The following CHD9 variants were observed in gnomAD, a reference collection of about 807,000 sequenced individuals.
The protein encoded by CHD9 is ATP-dependent chromatin remodeler CHD9.
CHD9 carries 77 observed loss-of-function variants against 316.1 expected under a neutral mutation model. The ratio of observed to expected loss-of-function variants is 0.24; its 90% CI spans 0.20 to 0.29. The LOEUF (loss-of-function observed/expected upper bound fraction) is 0.29. Among genes scored for constraint, CHD9 ranks in the 10% least tolerant of loss-of-function variants. CHD9 has a pLI of 1.00. For missense variants in CHD9, 2,763 were observed against 3,438.1 expected (o/e 0.80, Z 4.91); for synonymous variants, 1,129 against 1,158.3 (o/e 0.97, Z 0.51).
At chr16:53,172,907 A>G (rs1279557808) in intron 2 of CHD9, among the ~76,000 whole-genome samples, 1 of 152,020 alleles carries the variant, frequency 6.6e-6, no homozygotes, top group East Asian at 1.9e-4. Context: ...TAGTTGTCAG[A>G]TATCTATTTT....
At chr16:53,074,171 G>A (rs2034330450) in intron 1 of CHD9, among the ~76,000 whole-genome samples, 1 of 152,198 alleles carries the variant, frequency 6.6e-6, no homozygotes, top group Non-Finnish European at 1.5e-5. Context: ...GTGGCATTTT[G>A]CCCTTGCCCT....
At chr16:53,120,467 G>T (rs2038658386) in intron 1 of CHD9, among the ~76,000 whole-genome samples, 1 of 151,940 alleles carries the variant, frequency 6.6e-6, no homozygotes, top group African/African-American at 2.4e-5. Flanking sequence ...TACAAAATTA[G>T]CCGGGTGTGG....
At chr16:53,217,136 G>T (rs1054156569) in intron 3 of CHD9, among the ~76,000 whole-genome samples, 1 of 151,992 alleles carries the variant, frequency 6.6e-6, no homozygotes, top group African/African-American at 2.4e-5. Flanking sequence ...TTCAATTTAG[G>T]ATAGCTCCTC....
chr16:53,142,890 C>CT (rs1392163767), intron 1 of CHD9, among the ~76,000 whole-genome samples: 2 of 152,206 alleles, frequency 1.3e-5, no homozygotes, highest in African/African-American at 4.8e-5. Flanking sequence ...AAGAGGCCTG[C>CT]ATCTGGTATA....
At chr16:53,170,578 CGTGTGTGTGTGTGTGTGTGT>C (rs10593955) in intron 2 of CHD9, among the ~76,000 whole-genome samples, 4 of 140,228 alleles carry the variant, frequency 2.9e-5, no homozygotes, top group Admixed American at 2.2e-4. Context: ...TTTGTAATTT[CGTGTGTGTGTGTGTGTGTGT>C]GTGTGTGTGT....
At chr16:53,108,702 C>T (rs957430280) in intron 1 of CHD9, among the ~76,000 whole-genome samples, 2 of 151,768 alleles carry the variant, frequency 1.3e-5, no homozygotes, top group Non-Finnish European at 2.9e-5. Context: ...TGGTGAAACC[C>T]TGTCTCTACT....
Position 53,290,690 on chromosome 16 carries a change from A to G in CHD9, c.5248-1035A>G, listed in dbSNP as rs566426746. Among the ~76,000 whole-genome samples, 3 of 152,254 alleles carry G rather than the reference A, an allele frequency of 2.0e-5. No homozygotes were observed. In the East Asian group the frequency reaches 5.8e-4, roughly 29 times the overall value. ...CTACTCAGGAGGCTGAAGCAGGAGG[A>G]TCGCTTGAGCCCGAAAGGTTGAGGC... On this transcript the variant is annotated intron_variant, in intron 27 of 38. Transcript: ENST00000447540.
At chr16:53,302,832 G>A (rs1272869220) in intron 30 of CHD9, among the ~76,000 whole-genome samples, 1 of 152,122 alleles carries the variant, frequency 6.6e-6, no homozygotes, top group East Asian at 1.9e-4. Context: ...CATTGTTTCA[G>A]CAAGCCCATG....
At chr16:53,074,955 G>A (rs11646404) in intron 1 of CHD9, among the ~76,000 whole-genome samples, 42,577 of 152,116 alleles carry the variant, frequency 0.28, 7,518 homozygotes, top group Non-Finnish European at 0.39. Context: ...AACTTGCATC[G>A]TGTGCCTGGA....
chr16:53,301,778 T>C (rs898900082), intron 30 of CHD9, among the ~76,000 whole-genome samples: 1 of 149,862 alleles, frequency 6.7e-6, no homozygotes, highest in Non-Finnish European at 1.5e-5. Flanking sequence ...TTTTTTTTTT[T>C]TTTTTGAGAT....
intron 2 of CHD9, among the ~76,000 whole-genome samples, chr16:53,174,143 G>T (rs191226221): frequency 6.9e-4 from 105 of 152,270 alleles, no homozygotes; most frequent in African/African-American, 2.3e-3. Context: ...AATTAGCTGG[G>T]TTTGGTGGCA....
In CHD9 at chr16:53,304,371, G is replaced by C. The variant is rs779020727; in HGVS notation, c.6365G>C (p.Arg2122Thr). ...CCAAACCCAGCTTCTAAGAAACCAA[G>C]AGTCCACAAAAGGGGATCAGAATCT... ...LTPNPASKKPRVHKRGSESSS... is the reference protein window; with the variant it reads ...LTPNPASKKPTVHKRGSESSS... The change falls in exon 31 of 39, where the codon AGA (arginine) becomes ACA (threonine). Residue 2122 changes from arginine to threonine, a missense_variant. By Grantham distance (71) the Arg-to-Thr change is moderately conservative (BLOSUM62 -1). Around this residue, in one of 15 missense-constraint regions of CHD9, gnomAD observed 663 missense variants for 751.2 expected, o/e 0.88. Coordinates refer to ENST00000447540, the MANE Select transcript of CHD9 (RefSeq NM_001308319.2). The C allele has an allele frequency of 3.1e-6, 5 of 1,613,374 alleles. No individual in the cohort carries two copies. The Admixed American group carries it at 8.3e-5, about 27-fold the overall frequency.
intron 29 of CHD9, 59 bp downstream of exon 29, chr16:53,293,111 G>GGGT: frequency 7.1e-7 from 1 of 1,409,784 alleles, no homozygotes; most frequent in Non-Finnish European, 9.8e-7. Flanking sequence ...TCATTCTAAA[G>GGGT]CCTGTCTGGG....
rs544765157 is a variant in CHD9, at chr16:53,104,671, G to C, written c.-165+49594G>C. 2.6e-5 allele frequency among the ~76,000 whole-genome samples: 4 copies of C among 152,046 alleles called. No individual in the cohort carries two copies. In the East Asian group the frequency reaches 7.8e-4, roughly 29 times the overall value. ...ACTAAAAATACAAAAAATTAGCTGG[G>C]CATGGTGGCAGGTACCTGTAATCCC... is the stretch of plus-strand genomic sequence containing the variant. On this transcript the variant is annotated intron_variant, in intron 1 of 38. Transcript: ENST00000447540.
intron 2 of CHD9, among the ~76,000 whole-genome samples, chr16:53,159,810 A>G (rs1347995584): frequency 6.6e-6 from 1 of 152,132 alleles, no homozygotes; most frequent in Non-Finnish European, 1.5e-5. Context: ...GGGTTTCAGC[A>G]TGTTGGCCAG....
At position 53,244,353 on chromosome 16, in the gene CHD9, C is replaced by T. The variant is rs139433000; in HGVS notation, c.3055-983C>T. ...GACTATAGGTGCCCACCACCACGCC[C>T]GGCTAATTTTTTGTATTTTTAGTAG... On this transcript the variant is annotated intron_variant, in intron 13 of 38. Coordinates refer to ENST00000447540, the MANE Select transcript of CHD9 (RefSeq NM_001308319.2). Among the ~76,000 whole-genome samples the T allele has an allele frequency of 2.6e-3, 388 of 151,926 alleles. 5 individuals carry two copies. The highest frequency in any genetic ancestry group is 8.9e-3 in the African/African-American group (369 of 41,422).
chr16:53,217,903 C>T (rs1291541387), intron 3 of CHD9, among the ~76,000 whole-genome samples: 1 of 149,790 alleles, frequency 6.7e-6, no homozygotes, highest in Non-Finnish European at 1.5e-5. Context: ...CTGCGCCTGG[C>T]TTATACTCTT....
In CHD9 at chr16:53,255,761, T is replaced by G; in HGVS notation, c.4191T>G (p.Arg1397=). Residue 1397 remains arginine, a synonymous_variant, in exon 19 of 39, where the codon CGT becomes CGG. Coordinates refer to ENST00000447540, the MANE Select transcript of CHD9 (RefSeq NM_001308319.2). ...TKTITIESEG[R]GSTFAKASFV... is the part of the protein sequence containing the mutation. ...CTATTACAATTGAATCAGAAGGACG[T>G]GGGTCAACATTTGCCAAGGTAATAG... 6.2e-7 allele frequency: 1 copy of G among 1,613,836 alleles called. No individual in the cohort carries two copies. Among genetic ancestry groups the G allele is most frequent in the Non-Finnish European group, 8.5e-7 (1 of 1,179,786 alleles).
In CHD9 at chr16:53,246,318, CTT is replaced by C. The variant is rs201264700; in HGVS notation, c.3454+470_3454+471del. ...TTGGGAATATACGCCTCTCTACTCA[CTT>C]TATTCAAGACAACTGAAGTCTCTTG... On this transcript the variant is annotated intron_variant, in intron 15 of 38. Transcript: ENST00000447540. Among the ~76,000 whole-genome samples, 341 of 152,262 alleles carry C rather than the reference CTT, an allele frequency of 2.2e-3. 11 individuals carry two copies. The East Asian group carries it at 0.063, about 28-fold the overall frequency.
Sources: gnomAD v4.1 joint callset for allele counts (sites outside exome capture counted in the v4.1 genomes callset) on GRCh38, gnomAD v4.1.1 for gene constraint, gnomAD v4.1.1 regional missense constraint, MANE v1.5 for transcripts, NCBI Gene and HGNC (gene_info 2026-07-23, HGNC 2026-07-21) for gene names.